Variants in AIG1 observed in about 807,000 individuals in gnomAD.
The protein encoded by AIG1 is androgen induced 1, also known as androgen-induced gene 1 protein.
AIG1 carries 23 observed loss-of-function variants against 31.4 expected under a neutral mutation model. The observed-to-expected ratio is 0.73, with a 90% CI of 0.53 to 1.04. AIG1 has a LOEUF of 1.04. Among genes scored for constraint, AIG1 ranks in the 50% least tolerant of loss-of-function variants. AIG1 has a pLI of 0.00. For synonymous variants in AIG1, 100 were observed against 110.5 expected, an observed-to-expected ratio of 0.90 and a Z score of 0.60; for missense variants, 274 against 295.0, an observed-to-expected ratio of 0.93 and a Z score of 0.52.
At chr6:143,294,866 C>CA (rs1300461001) in intron 4 of AIG1, among the ~76,000 whole-genome samples, 2 of 152,138 alleles carry the variant, frequency 1.3e-5, no homozygotes, top group Non-Finnish European at 2.9e-5. Context: ...CAACTCCCCC[C>CA]AAACCTCAGT....
intron 3 of AIG1, among the ~76,000 whole-genome samples, chr6:143,212,386 C>T (rs1160611266): frequency 1.3e-5 from 2 of 152,274 alleles, no homozygotes; most frequent in East Asian, 1.9e-4. Context: ...CCCCAGCCTC[C>T]CTGCAGGATG....
intron 3 of AIG1, among the ~76,000 whole-genome samples, chr6:143,230,443 T>C (rs970490051): frequency 6.7e-5 from 10 of 149,982 alleles, no homozygotes; most frequent in African/African-American, 2.4e-4. Flanking sequence ...TAAATGATAA[T>C]ATTTAGTGTT....
At position 143,235,390 on chromosome 6, in the gene AIG1, C is replaced by T. The variant is rs116337452; in HGVS notation, c.400-48720C>T. On this transcript the variant is annotated intron_variant, in intron 3 of 5. Coordinates refer to ENST00000357847, the MANE Select transcript of AIG1 (RefSeq NM_016108.4). Reference sequence around the variant, plus strand: ...TCTGAAATTTGTATAGATACCTTTTCGCTTTGTGGCATGTGGTCATATTTT... The same window carrying T: ...TCTGAAATTTGTATAGATACCTTTTTGCTTTGTGGCATGTGGTCATATTTT... Among the ~76,000 whole-genome samples the T allele has an allele frequency of 3.1e-3, 470 of 152,206 alleles. 1 individual carries two copies. Among genetic ancestry groups the T allele is most frequent in the African/African-American group, 0.011 (451 of 41,518 alleles).
intron 3 of AIG1, among the ~76,000 whole-genome samples, chr6:143,194,661 G>A (rs899059651): frequency 6.6e-6 from 1 of 152,210 alleles, no homozygotes; most frequent in Non-Finnish European, 1.5e-5. Flanking sequence ...TCTCTGGCCT[G>A]GCTTGTGTTT....
Position 143,340,554 on chromosome 6 carries a change from G to A in AIG1, c.*878G>A, listed in dbSNP as rs1036240138. ...CAGCTCACGGCAAGCTCCGCTTCCC[G>A]GGTTCATGCCATTCTCCTGCCTTCT... On this transcript the variant is annotated 3_prime_UTR_variant, in exon 6 of 6. Coordinates refer to ENST00000357847, the MANE Select transcript of AIG1 (RefSeq NM_016108.4). 2.6e-5 allele frequency among the ~76,000 whole-genome samples: 4 copies of A among 151,906 alleles called. No individual in the cohort carries two copies. Among genetic ancestry groups the A allele is most frequent in the South Asian group, 2.1e-4 (1 of 4,822 alleles).
intron 4 of AIG1, among the ~76,000 whole-genome samples, chr6:143,313,152 T>C (rs1252369786): frequency 1.3e-5 from 2 of 151,982 alleles, no homozygotes; most frequent in Non-Finnish European, 2.9e-5. Flanking sequence ...TTGGAGCCTC[T>C]TCAAAAAACT....
chr6:143,195,216 T>C (rs2128601357), intron 3 of AIG1, among the ~76,000 whole-genome samples: 1 of 152,110 alleles, frequency 6.6e-6, no homozygotes, highest in Non-Finnish European at 1.5e-5. Flanking sequence ...TCATGCTGAG[T>C]CTAGGGAACT....
At chr6:143,085,668 C>T (rs892004165) in intron 1 of AIG1, among the ~76,000 whole-genome samples, 7 of 152,088 alleles carry the variant, frequency 4.6e-5, no homozygotes, top group South Asian at 2.1e-4. Context: ...TTTTTGATTC[C>T]GTAAGTACTT....
rs1469523654 is a variant in AIG1, at chr6:143,268,113, T to C, written c.400-15997T>C. Among the ~76,000 whole-genome samples the C allele has an allele frequency of 1.3e-5, 2 of 152,134 alleles. No individual in the cohort carries two copies. Among genetic ancestry groups the C allele is most frequent in the Non-Finnish European group, 2.9e-5 (2 of 68,018 alleles). ...TGAATTATAATAAAAATAGGGAGGA[T>C]TATGACTTGATATATAAAGTTTGGG... On this transcript the variant is annotated intron_variant, in intron 3 of 5. Coordinates refer to ENST00000357847, the MANE Select transcript of AIG1 (RefSeq NM_016108.4). This position sits in a 1 kb window ranked among gnomAD's most constrained non-coding sequence, Gnocchi z 5.0.
At chr6:143,286,558 G>A (rs1021644019) in intron 4 of AIG1, among the ~76,000 whole-genome samples, 4 of 152,180 alleles carry the variant, frequency 2.6e-5, no homozygotes, top group African/African-American at 9.6e-5. Flanking sequence ...AAAGGTACTG[G>A]CTTTTGCTTC....
At chr6:143,305,611 C>G (rs923306025) in intron 4 of AIG1, among the ~76,000 whole-genome samples, 13 of 152,180 alleles carry the variant, frequency 8.5e-5, no homozygotes, top group African/African-American at 3.1e-4. Context: ...AATTTCTGTT[C>G]TTTTACATTT....
intron 1 of AIG1, among the ~76,000 whole-genome samples, chr6:143,090,695 C>T (rs989641921): frequency 5.3e-5 from 8 of 152,072 alleles, no homozygotes; most frequent in African/African-American, 1.2e-4. Context: ...GCTAAAATAT[C>T]TTAATGATCA....
Position 143,291,373 on chromosome 6 carries a change from G to A in AIG1, c.515+7148G>A, listed in dbSNP as rs544106397. Among the ~76,000 whole-genome samples, 4 of 152,214 alleles carry A rather than the reference G, an allele frequency of 2.6e-5. No individual in the cohort carries two copies. The South Asian group carries it at 8.3e-4, about 32-fold the overall frequency. On this transcript the variant is annotated intron_variant, in intron 4 of 5. Transcript: ENST00000357847. This position sits in a 1 kb window ranked among gnomAD's most constrained non-coding sequence, Gnocchi z 4.2. The stretch of plus-strand genomic sequence containing the variant: ...TGTGCTGCCCTGGACAGGAGCCAGG[G>A]GGTGTTAAAGAGGTCTAGCTGGAGC...
chr6:143,182,907 C>G (rs1027686072), intron 3 of AIG1, among the ~76,000 whole-genome samples: 4 of 152,242 alleles, frequency 2.6e-5, no homozygotes, highest in Admixed American at 6.5e-5. Context: ...AATACAACCT[C>G]AAAGCATTTA....
intron 3 of AIG1, among the ~76,000 whole-genome samples, chr6:143,192,444 A>G (rs955694876): frequency 5.9e-5 from 9 of 152,040 alleles, no homozygotes; most frequent in Non-Finnish European, 2.9e-5. Flanking sequence ...ATCTCTACTA[A>G]GAATACAAAA....
At chr6:143,342,315 A>T (rs943310245), downstream of AIG1, 3 of 679,668 alleles carry the variant, frequency 4.4e-6, no homozygotes, top group Non-Finnish European at 8.1e-6. Flanking sequence ...GGTGCGCAGC[A>T]GCAGCTGCGA....
chr6:143,133,158 C>T (rs1408687296), intron 1 of AIG1, among the ~76,000 whole-genome samples: 6 of 152,004 alleles, frequency 3.9e-5, no homozygotes, highest in Admixed American at 3.3e-4. Flanking sequence ...TTGTTGTCTT[C>T]CTTTAAATAA....
At chr6:143,085,727 A>G (rs1583118982) in intron 1 of AIG1, among the ~76,000 whole-genome samples, 2 of 152,232 alleles carry the variant, frequency 1.3e-5, no homozygotes, top group African/African-American at 4.8e-5. Flanking sequence ...CAGACCAATT[A>G]TTAGGCAATT....
chr6:143,069,309 G>A (rs1424029014), intron 1 of AIG1, among the ~76,000 whole-genome samples: 3 of 152,232 alleles, frequency 2.0e-5, no homozygotes, highest in South Asian at 2.1e-4. Flanking sequence ...GAGCCACCGC[G>A]CGCGGCCAAT....
Sources: allele counts gnomAD v4.1 joint callset (sites outside exome capture counted in the v4.1 genomes callset), GRCh38; gene constraint gnomAD v4.1.1; non-coding constraint Gnocchi (gnomAD v3.1); transcripts MANE v1.5; gene names NCBI Gene and HGNC (gene_info 2026-07-23, HGNC 2026-07-21).